The following GLIS3 variants were observed in gnomAD, a reference collection of about 807,000 sequenced individuals.
The protein encoded by GLIS3 is GLIS family zinc finger 3, also known as zinc finger protein GLIS3.
Under a neutral mutation model 78.6 loss-of-function variants are expected in GLIS3, and 53 were observed. That is an observed-to-expected ratio of 0.67 (90% CI 0.54 to 0.85). GLIS3 has a LOEUF of 0.85. Among genes scored for constraint, GLIS3 ranks in the 40% least tolerant of loss-of-function variants. GLIS3 has a pLI of 0.00. For synonymous variants in GLIS3, 684 were observed against 509.9 expected (o/e 1.34, Z -4.60); for missense variants, 1,703 against 1,231.1 (o/e 1.38, Z -5.74).
At chr9:4,285,252 G>A (rs1298690880) in intron 2 of GLIS3, among the ~76,000 whole-genome samples, 3 of 152,010 alleles carry the variant, frequency 2.0e-5, no homozygotes, top group Non-Finnish European at 2.9e-5. Flanking sequence ...AAATACATAC[G>A]TCATCTACAA....
chr9:4,046,623 C>G (rs1302673300), intron 4 of GLIS3, among the ~76,000 whole-genome samples: 1 of 152,148 alleles, frequency 6.6e-6, no homozygotes, highest in East Asian at 1.9e-4. Context: ...GGTAATAAAT[C>G]TTTTCTACTC....
chr9:4,134,638 T>C (rs893015579), intron 2 of GLIS3, among the ~76,000 whole-genome samples: 8 of 152,236 alleles, frequency 5.3e-5, no homozygotes, highest in African/African-American at 1.4e-4. Context: ...TTGTCATGAT[T>C]ATGTTACGGA....
At chr9:4,100,604 G>C (rs138303471) in intron 4 of GLIS3, among the ~76,000 whole-genome samples, 522 of 152,178 alleles carry the variant, frequency 3.4e-3, no homozygotes, top group African/African-American at 0.012. Flanking sequence ...AATTCTGAGG[G>C]CTTTTTTTAA....
At chr9:4,341,410 A>G (rs796924964) in intron 2 of GLIS3, among the ~76,000 whole-genome samples, 69 of 152,350 alleles carry the variant, frequency 4.5e-4, no homozygotes, top group African/African-American at 1.4e-3. Flanking sequence ...CACACAGCTC[A>G]TTGTGTGCTG....
intron 9 of GLIS3, among the ~76,000 whole-genome samples, chr9:3,855,207 TAAAGA>T (rs1053265246): frequency 9.8e-5 from 15 of 152,302 alleles, no homozygotes; most frequent in Admixed American, 9.8e-4. Flanking sequence ...TGAGTCTAAA[TAAAGA>T]AAAGAAACTA....
At chr9:3,951,044 C>G (rs1476577402) in intron 4 of GLIS3, among the ~76,000 whole-genome samples, 1 of 152,200 alleles carries the variant, frequency 6.6e-6, no homozygotes, top group East Asian at 1.9e-4. Context: ...GTGAAGCCCT[C>G]TATAATTTCT....
the GLIS3 span, among the ~76,000 whole-genome samples, chr9:4,481,408 T>C: frequency 8.5e-5 from 13 of 152,160 alleles, 1 homozygote; most frequent in East Asian, 7.8e-4. Context: ...CGCTTGAACC[T>C]GGGAGGTGTA....
At chr9:4,456,836 A>C in the GLIS3 span, among the ~76,000 whole-genome samples, 5 of 152,216 alleles carry the variant, frequency 3.3e-5, no homozygotes, top group Non-Finnish European at 7.3e-5. Context: ...TTTATCAATT[A>C]AGTTTGCTGT....
chr9:4,358,340 T>C, the GLIS3 span, among the ~76,000 whole-genome samples: 1 of 151,680 alleles, frequency 6.6e-6, no homozygotes, highest in Non-Finnish European at 1.5e-5. Context: ...AAAAAGAGAC[T>C]AATACAAAGT....
At chr9:4,365,548 T>C in the GLIS3 span, among the ~76,000 whole-genome samples, 4 of 150,298 alleles carry the variant, frequency 2.7e-5, no homozygotes, top group Non-Finnish European at 5.9e-5. Flanking sequence ...AGAGTGAGAC[T>C]CCATCTCAAA....
intron 2 of GLIS3, chr9:4,285,517 A>G (rs1453425457): frequency 2.0e-5 from 3 of 152,138 alleles, no homozygotes; most frequent in African/African-American, 7.3e-5. Context: ...TTTGCTCTTA[A>G]TTTTTCTTAT....
chr9:4,114,275 A>G (rs1831452540), intron 4 of GLIS3, among the ~76,000 whole-genome samples: 1 of 152,140 alleles, frequency 6.6e-6, no homozygotes, highest in African/African-American at 2.4e-5. Flanking sequence ...TTGATGGTAA[A>G]AAGATCTACA....
intron 4 of GLIS3, chr9:4,034,518 T>G (rs1267707826): frequency 6.6e-6 from 1 of 152,154 alleles, no homozygotes; most frequent in East Asian, 1.9e-4. Flanking sequence ...GTTATAACAA[T>G]TCACTGACCC....
intron 4 of GLIS3, among the ~76,000 whole-genome samples, chr9:4,080,373 C>T (rs1440954691): frequency 1.3e-5 from 2 of 152,120 alleles, no homozygotes; most frequent in East Asian, 3.9e-4. Flanking sequence ...GCTCCAAAAA[C>T]TCAGTAATCA....
chr9:4,214,559 C>T (rs183175484), intron 2 of GLIS3, among the ~76,000 whole-genome samples: 218 of 152,298 alleles, frequency 1.4e-3, no homozygotes, highest in Non-Finnish European at 2.5e-3. Flanking sequence ...CCAGGAGGAA[C>T]AACAGAAATC....
At position 4,118,760 on chromosome 9, in the gene GLIS3, G is replaced by A. The variant is rs764697238; in HGVS notation, c.718C>T (p.His240Tyr). The A allele has an allele frequency of 5.0e-6, 8 of 1,613,572 alleles. No homozygotes were observed. The highest frequency in any genetic ancestry group is 6.8e-6 in the Non-Finnish European group (8 of 1,180,024). ...AGATCAAGGCCATTCTGAGAGCCGTGGTTGGAGAGCGAAGGGAGGGCCCTG... is the reference window on the plus strand; with the variant it reads ...AGATCAAGGCCATTCTGAGAGCCGTAGTTGGAGAGCGAAGGGAGGGCCCTG... ...GYRALPSLSN[H>Y]GSQNGLDLGD... Residue 240 changes from histidine to tyrosine, a missense_variant, in exon 4 of 11, where the codon CAC becomes TAC. Physicochemically the swap from His to Tyr is moderately conservative, Grantham distance 83. Coordinates refer to ENST00000381971, the MANE Select transcript of GLIS3 (RefSeq NM_001042413.2). This position sits in a 1 kb window ranked among gnomAD's most constrained non-coding sequence, Gnocchi z 4.7.
intron 2 of GLIS3, among the ~76,000 whole-genome samples, chr9:4,262,808 C>G (rs575395087): frequency 6.6e-6 from 1 of 151,942 alleles, no homozygotes. Flanking sequence ...CCCCTGAAAG[C>G]CCAGCTTTTC....
intron 2 of GLIS3, among the ~76,000 whole-genome samples, chr9:4,311,421 A>G (rs914497530): frequency 1.3e-5 from 2 of 152,136 alleles, no homozygotes; most frequent in African/African-American, 2.4e-5. Context: ...AAAAGTAACT[A>G]AATAAAGTGT....
intron 2 of GLIS3, among the ~76,000 whole-genome samples, chr9:4,268,186 C>G (rs988191048): frequency 2.0e-5 from 3 of 152,186 alleles, no homozygotes; most frequent in East Asian, 1.9e-4. Context: ...GAAAATTACT[C>G]AGTTACACCT....
Sources: allele counts gnomAD v4.1 joint callset (sites outside exome capture counted in the v4.1 genomes callset), GRCh38; gene constraint gnomAD v4.1.1; non-coding constraint Gnocchi (gnomAD v3.1); transcripts MANE v1.5; gene names NCBI Gene and HGNC (gene_info 2026-07-23, HGNC 2026-07-21).